The following GRM7 variants were observed in gnomAD, a reference collection of about 807,000 sequenced individuals.
GRM7 encodes glutamate metabotropic receptor 7, also known as metabotropic glutamate receptor 7.
In GRM7, 35 loss-of-function variants were observed where a neutral mutation model predicts 84.5. That is an observed-to-expected ratio of 0.41 (90% CI 0.32 to 0.55). GRM7 has a LOEUF of 0.55. GRM7 is among the 20% of genes least tolerant of loss of function. The pLI is 0.19. For synonymous variants in GRM7, 487 were observed against 455.1 expected (o/e 1.07, Z -0.89); for missense variants, 1,003 against 1,194.6 (o/e 0.84, Z 2.36).
intron 7 of GRM7, among the ~76,000 whole-genome samples, chr3:7,567,853 A>C (rs1310262496): frequency 3.5e-5 from 5 of 143,154 alleles, no homozygotes; most frequent in Non-Finnish European, 6.1e-5. Flanking sequence ...TTTCAAAATG[A>C]GTTGAGGGAG....
rs190772987 is a variant in GRM7, at chr3:7,465,902, C to T, written c.1515+4180C>T. On this transcript the variant is annotated intron_variant, in intron 7 of 9. Coordinates refer to ENST00000357716, the MANE Select transcript of GRM7 (RefSeq NM_000844.4). ...TAAGTGCTTAGCAGTGTGCTGTCTGCGGTAAAATGTCTCATGTACCCTCAC... is the reference window on the plus strand; with the variant it reads ...TAAGTGCTTAGCAGTGTGCTGTCTGTGGTAAAATGTCTCATGTACCCTCAC... Among the ~76,000 whole-genome samples, 324 of 152,142 alleles carry T rather than the reference C, an allele frequency of 2.1e-3. 2 individuals carry two copies. Among genetic ancestry groups the T allele is most frequent in the Middle Eastern group, 3.4e-3 (1 of 294 alleles).
chr3:7,421,881 C>T (rs1272995566), intron 5 of GRM7, among the ~76,000 whole-genome samples: 1 of 147,522 alleles, frequency 6.8e-6, no homozygotes, highest in Non-Finnish European at 1.5e-5. Context: ...GGCCAAATCC[C>T]AGGCAACATA....
At position 6,870,398 on chromosome 3, in the gene GRM7, G is replaced by A. The variant is rs1695083040; in HGVS notation, c.519+8491G>A. On this transcript the variant is annotated intron_variant, in intron 1 of 9. Coordinates refer to ENST00000357716, the MANE Select transcript of GRM7 (RefSeq NM_000844.4). ...AAGCAAAAATGGGCCTGGCATGTTA[G>A]AAGAATATTGTAGAGGCCATTGTGG... Among the ~76,000 whole-genome samples, 4 of 152,320 alleles carry A rather than the reference G, an allele frequency of 2.6e-5. No individual in the cohort carries two copies. In the South Asian group the frequency reaches 8.3e-4, roughly 32 times the overall value.
intron 1 of GRM7, among the ~76,000 whole-genome samples, chr3:6,930,387 G>A (rs1422901986): frequency 2.0e-5 from 3 of 152,128 alleles, no homozygotes; most frequent in South Asian, 2.1e-4. Context: ...GAGGTCAAAC[G>A]ATTGCGTGTC....
intron 1 of GRM7, among the ~76,000 whole-genome samples, chr3:7,124,161 C>T (rs1168588393): frequency 6.6e-6 from 1 of 152,082 alleles, no homozygotes; most frequent in Non-Finnish European, 1.5e-5. Context: ...AGGATACAGT[C>T]AAAGCAAAAG....
chr3:7,364,174 G>C (rs1257332059), intron 4 of GRM7, among the ~76,000 whole-genome samples: 1 of 151,804 alleles, frequency 6.6e-6, no homozygotes, highest in Non-Finnish European at 1.5e-5. Flanking sequence ...CAAGTTGTGA[G>C]AAAAAGAATT....
At position 6,863,473 on chromosome 3, in the gene GRM7, G is replaced by T. The variant is rs1694834323; in HGVS notation, c.519+1566G>T. 6.6e-6 allele frequency among the ~76,000 whole-genome samples: 1 copy of T among 152,110 alleles called. No homozygotes were observed. The highest frequency in any genetic ancestry group is 2.4e-5 in the African/African-American group (1 of 41,396). On this transcript the variant is annotated intron_variant, in intron 1 of 9. Coordinates refer to ENST00000357716, the MANE Select transcript of GRM7 (RefSeq NM_000844.4). This position sits in a 1 kb window ranked among gnomAD's most constrained non-coding sequence, Gnocchi z 4.8. ...CAGGAAAGAGGAGTGCCCATCCAAG[G>T]CTGCAGCTTGCATGGCCCCTCTGAT...
At chr3:7,023,506 C>T (rs549389837) in intron 1 of GRM7, among the ~76,000 whole-genome samples, 14 of 152,204 alleles carry the variant, frequency 9.2e-5, no homozygotes, top group South Asian at 2.1e-4. Context: ...GCACTCACCG[C>T]GTGAGTCTTC....
At chr3:6,951,299 TTTA>T (rs1692751175) in intron 1 of GRM7, among the ~76,000 whole-genome samples, 1 of 152,164 alleles carries the variant, frequency 6.6e-6, no homozygotes, top group African/African-American at 2.4e-5. Context: ...CAGGCTGATT[TTTA>T]TTATTTTTTT....
chr3:7,447,929 G>T (rs895651097), intron 5 of GRM7, among the ~76,000 whole-genome samples: 6 of 113,676 alleles, frequency 5.3e-5, no homozygotes, highest in African/African-American at 2.1e-4. Flanking sequence ...TCCCCGGAAT[G>T]TGATGTTCCC....
intron 1 of GRM7, among the ~76,000 whole-genome samples, chr3:7,123,122 T>A (rs1258698175): frequency 6.6e-6 from 1 of 152,250 alleles, no homozygotes; most frequent in Non-Finnish European, 1.5e-5. Context: ...AATGTATCCA[T>A]CTTCTGCTCC....
intron 7 of GRM7, among the ~76,000 whole-genome samples, chr3:7,470,031 A>C (rs1698633365): frequency 6.6e-6 from 1 of 152,210 alleles, no homozygotes; most frequent in African/African-American, 2.4e-5. Context: ...ATGCAGCAAA[A>C]GCTGGCTAAA....
At chr3:7,699,176 C>T (rs1701129134) in intron 9 of GRM7, among the ~76,000 whole-genome samples, 1 of 152,162 alleles carries the variant, frequency 6.6e-6, no homozygotes, top group Non-Finnish European at 1.5e-5. Context: ...AAGTTCAAAA[C>T]TCAAAGTTTG....
At chr3:7,114,866 T>A (rs1038266998) in intron 1 of GRM7, among the ~76,000 whole-genome samples, 1 of 152,126 alleles carries the variant, frequency 6.6e-6, no homozygotes, top group African/African-American at 2.4e-5. Flanking sequence ...CAGGAACAAT[T>A]GGAGATCATC....
At chr3:7,328,056 A>G (rs1345202962) in intron 4 of GRM7, among the ~76,000 whole-genome samples, 1 of 152,198 alleles carries the variant, frequency 6.6e-6, no homozygotes, top group African/African-American at 2.4e-5. Context: ...GGGCCCTCTA[A>G]TGCTGAAATC....
intron 2 of GRM7, among the ~76,000 whole-genome samples, chr3:7,192,835 A>G (rs899143370): frequency 1.3e-5 from 2 of 152,074 alleles, no homozygotes; most frequent in South Asian, 2.1e-4. Context: ...TTTCAATCCA[A>G]TGTAATGAGG....
chr3:7,071,151 C>T (rs998597083), intron 1 of GRM7, among the ~76,000 whole-genome samples: 1 of 151,986 alleles, frequency 6.6e-6, no homozygotes, highest in African/African-American at 2.4e-5. Flanking sequence ...TGGTGGCTTT[C>T]TTCTGTTTGA....
chr3:7,064,246 C>T (rs113503173), intron 1 of GRM7, among the ~76,000 whole-genome samples: 753 of 150,456 alleles, frequency 5.0e-3, no homozygotes, highest in Middle Eastern at 0.01. Flanking sequence ...TCCCACTCTT[C>T]CCCCCAAGTC....
At chr3:7,425,164 A>G (rs1696555757) in intron 5 of GRM7, among the ~76,000 whole-genome samples, 1 of 152,220 alleles carries the variant, frequency 6.6e-6, no homozygotes. Context: ...AAGGGCTCGT[A>G]GTAGAACATG....
Sources: allele counts gnomAD v4.1 joint callset (sites outside exome capture counted in the v4.1 genomes callset), GRCh38; gene constraint gnomAD v4.1.1; non-coding constraint Gnocchi (gnomAD v3.1); transcripts MANE v1.5; gene names NCBI Gene and HGNC (gene_info 2026-07-23, HGNC 2026-07-21).